Variants in WDR93 observed in about 807,000 individuals in gnomAD.
The protein encoded by WDR93 is WD repeat domain 93, also known as WD repeat-containing protein 93.
A neutral mutation model predicts 82.9 loss-of-function variants in WDR93; 73 were observed. That is an observed-to-expected ratio of 0.88 (90% CI 0.73 to 1.07). The LOEUF (loss-of-function observed/expected upper bound fraction) is 1.07. WDR93 is among the 50% of genes least tolerant of loss of function. The probability of loss-of-function intolerance (pLI) is 0.00; values close to 1 mark genes in which losing one functional copy is unlikely to be tolerated. For synonymous variants in WDR93, 283 were observed against 300.1 expected (o/e 0.94, Z 0.59); for missense variants, 738 against 826.0 (o/e 0.89, Z 1.31).
chr15:89,742,744 G>A (rs1967781025), intron 16 of WDR93, among the ~76,000 whole-genome samples: 1 of 152,044 alleles, frequency 6.6e-6, no homozygotes, highest in South Asian at 2.1e-4. Flanking sequence ...GGTTGGCCAG[G>A]CTAGTCTCAA....
chr15:89,740,228 T>C (rs992066240), intron 16 of WDR93, among the ~76,000 whole-genome samples: 8 of 152,152 alleles, frequency 5.3e-5, no homozygotes, highest in African/African-American at 1.7e-4. Context: ...ATTCTAAACA[T>C]TACCACTAGG....
At chr15:89,717,296 G>A (rs1966310287) in intron 7 of WDR93, among the ~76,000 whole-genome samples, 1 of 152,080 alleles carries the variant, frequency 6.6e-6, no homozygotes, top group Non-Finnish European at 1.5e-5. Context: ...CCGACCTCAG[G>A]TGATCTGCCT....
At chr15:89,702,151 C>T in intron 2 of WDR93, 102 bp downstream of exon 2, 1 of 1,300,254 alleles carries the variant, frequency 7.7e-7, no homozygotes, top group Non-Finnish European at 1.0e-6. Flanking sequence ...AAGCTGCATT[C>T]AATAAGTCAG....
At chr15:89,716,846 G>A in intron 6 of WDR93, 65 bp from the exon 7 acceptor site, 2 of 1,150,154 alleles carry the variant, frequency 1.7e-6, no homozygotes, top group Non-Finnish European at 1.3e-6. Flanking sequence ...CATGCCAGAA[G>A]ATTAAAGGGG....
chr15:89,692,449 ATT>A (rs1295855616), intron 1 of WDR93, among the ~76,000 whole-genome samples: 2 of 152,190 alleles, frequency 1.3e-5, no homozygotes, highest in African/African-American at 4.8e-5. Flanking sequence ...AGCAATGAGA[ATT>A]TATTGAGTCC....
rs1411518505 is a variant in WDR93 at position 89,735,508 on chromosome 15, T to A, written c.1563T>A (p.Asp521Glu). 3.7e-6 allele frequency: 6 copies of A among 1,614,172 alleles called. No individual in the cohort carries two copies. In the South Asian group the frequency reaches 6.6e-5, roughly 18 times the overall value. ...VLVERPVKHL[D>E]KTICAVAPVP... ...CCTATAGGCCTGTAAAGCACCTGGA[T>A]AAAACCATCTGTGCCGTGGCCCCAG... The change falls in exon 14 of 17, where the codon GAT becomes GAA. Residue 521 changes from aspartate (D) to glutamate (E), a missense_variant. By Grantham distance (45) the Asp-to-Glu change is conservative. Coordinates refer to ENST00000268130, the MANE Select transcript of WDR93 (RefSeq NM_020212.2).
intron 16 of WDR93, among the ~76,000 whole-genome samples, chr15:89,742,384 C>T (rs1300990573): frequency 2.0e-5 from 3 of 152,114 alleles, no homozygotes; most frequent in African/African-American, 7.2e-5. Context: ...CATTCACTTG[C>T]ACCTCCTTCC....
chr15:89,716,247 C>T (rs1297242514), intron 6 of WDR93, among the ~76,000 whole-genome samples: 7 of 152,138 alleles, frequency 4.6e-5, no homozygotes, highest in Non-Finnish European at 1.0e-4. Flanking sequence ...TATTTTTTGA[C>T]ACTTCTCACA....
intron 4 of WDR93, among the ~76,000 whole-genome samples, chr15:89,710,079 G>T (rs537764109): frequency 6.6e-6 from 1 of 152,332 alleles, no homozygotes; most frequent in Non-Finnish European, 1.5e-5. Context: ...AGAATTGCTT[G>T]AACCCAGGAG....
At chr15:89,716,876 C>T in intron 6 of WDR93, 35 bp from the exon 7 acceptor site, 1 of 1,465,382 alleles carries the variant, frequency 6.8e-7, no homozygotes, top group Non-Finnish European at 9.4e-7. Context: ...ATACATCAAA[C>T]CTATTGTGAA....
intron 4 of WDR93, among the ~76,000 whole-genome samples, chr15:89,706,130 CCA>C (rs1965716920): frequency 6.6e-6 from 1 of 152,166 alleles, no homozygotes. Context: ...ACAGTTTCTA[CCA>C]CAGTGTTTCC....
Position 89,701,977 on chromosome 15 carries a change from G to C in WDR93, c.231G>C (p.Glu77Asp), listed in dbSNP as rs768438622. The C allele has an allele frequency of 1.2e-6, 2 of 1,613,774 alleles. No homozygotes were observed. The highest frequency in any genetic ancestry group is 3.3e-5 in the Admixed American group (2 of 60,018). Residue 77 changes from glutamate (E) to aspartate (D), a missense_variant, in exon 2 of 17, where the codon GAG becomes GAC. Physicochemically the swap from Glu to Asp is conservative, Grantham distance 45. Coordinates refer to ENST00000268130, the MANE Select transcript of WDR93 (RefSeq NM_020212.2). ...ACCAGTCTTGGGAAATTATTGAAGAGAGAAACGCACTGAGGGAAGCTGAGA... is the reference window on the plus strand; with the variant it reads ...ACCAGTCTTGGGAAATTATTGAAGACAGAAACGCACTGAGGGAAGCTGAGA... ...LFDQSWEIIE[E>D]RNALREAESS...
At chr15:89,708,378 A>G (rs183491411) in intron 4 of WDR93, among the ~76,000 whole-genome samples, 102 of 152,022 alleles carry the variant, frequency 6.7e-4, no homozygotes, top group African/African-American at 2.4e-3. Flanking sequence ...GAACAGCCCC[A>G]CCTCCACCCG....
rs72754534 is a variant in WDR93, at chr15:89,731,578, C to T, written c.1330+16C>T. 91,651 of 1,613,716 alleles carry T rather than the reference C, an allele frequency of 0.057. 3,069 individuals carry two copies. Among genetic ancestry groups the T allele is most frequent in the African/African-American group, 0.094 (7,076 of 74,996 alleles). ...CTGGCCAAAGGTAAGTCCTCCCTGC[C>T]TCTCTACCTAGTACCTGGGTGGGAC... On this transcript the variant is annotated intron_variant, in intron 12 of 16. Coordinates refer to ENST00000268130, the MANE Select transcript of WDR93 (RefSeq NM_020212.2).
At chr15:89,697,779 A>G (rs1471346360) in intron 1 of WDR93, among the ~76,000 whole-genome samples, 1 of 152,104 alleles carries the variant, frequency 6.6e-6, no homozygotes, top group African/African-American at 2.4e-5. Flanking sequence ...TTTCTCATTA[A>G]ATTCTATCCA....
intron 5 of WDR93, among the ~76,000 whole-genome samples, chr15:89,712,827 A>G (rs566600970): frequency 6.6e-6 from 1 of 152,234 alleles, no homozygotes; most frequent in Non-Finnish European, 1.5e-5. Flanking sequence ...GGAAAATGAT[A>G]GAAGTACCAC....
At chr15:89,708,421 A>C (rs1965818315) in intron 4 of WDR93, among the ~76,000 whole-genome samples, 1 of 152,046 alleles carries the variant, frequency 6.6e-6, no homozygotes, top group African/African-American at 2.4e-5. Flanking sequence ...GAGGAGCTAC[A>C]GTTGTCGCAG....
At chr15:89,731,164 A>C (rs1966855422) in intron 11 of WDR93, among the ~76,000 whole-genome samples, 1 of 152,306 alleles carries the variant, frequency 6.6e-6, no homozygotes, top group Non-Finnish European at 1.5e-5. Context: ...AATGCAATGA[A>C]ATTATGTGTG....
intron 15 of WDR93, 61 bp from the exon 16 acceptor site, chr15:89,737,980 C>T (rs1967343810): frequency 6.5e-7 from 1 of 1,529,452 alleles, no homozygotes. Flanking sequence ...CTCACCTGGA[C>T]CACAGAGCCC....
Sources: allele counts gnomAD v4.1 joint callset (sites outside exome capture counted in the v4.1 genomes callset), GRCh38; gene constraint gnomAD v4.1.1; transcripts MANE v1.5; gene names NCBI Gene and HGNC (gene_info 2026-07-23, HGNC 2026-07-21).